Variants in RAD51 observed in about 807,000 individuals in gnomAD.
RAD51 encodes the protein RAD51 recombinase.
RAD51 carries 14 observed loss-of-function variants against 41.5 expected under a neutral mutation model. That is an observed-to-expected ratio of 0.34 (90% CI 0.22 to 0.53). The LOEUF is 0.53. Among genes scored for constraint, RAD51 ranks in the 20% least tolerant of loss-of-function variants. The pLI is 0.95. For missense variants in RAD51, 234 were observed against 422.0 expected, an observed-to-expected ratio of 0.55 and a Z score of 3.90; for synonymous variants, 136 against 148.6, an observed-to-expected ratio of 0.92 and a Z score of 0.62.
chr15:40,701,626 G>T (rs1388122082), intron 3 of RAD51, among the ~76,000 whole-genome samples: 2 of 151,172 alleles, frequency 1.3e-5, no homozygotes, highest in African/African-American at 4.9e-5. Context: ...TACTGTGCCT[G>T]GCCTATTTAT....
chr15:40,722,845 T>TA (rs762696966), intron 6 of RAD51, among the ~76,000 whole-genome samples: 2 of 152,156 alleles, frequency 1.3e-5, no homozygotes, highest in Non-Finnish European at 1.5e-5. Flanking sequence ...AAATTGATAA[T>TA]AGAGTTAGTT....
chr15:40,711,908 C>T (rs1324787343), intron 5 of RAD51, among the ~76,000 whole-genome samples: 4 of 151,968 alleles, frequency 2.6e-5, no homozygotes, highest in Non-Finnish European at 4.4e-5. Flanking sequence ...GACCCTATCT[C>T]TACAAATAAT....
At chr15:40,714,667 C>T (rs1329959075) in intron 5 of RAD51, among the ~76,000 whole-genome samples, 1 of 152,184 alleles carries the variant, frequency 6.6e-6, no homozygotes, top group African/African-American at 2.4e-5. Context: ...GATTACATTT[C>T]ATCAGCCTAA....
chr15:40,712,275 T>C (rs894566772), intron 5 of RAD51, among the ~76,000 whole-genome samples: 2 of 152,100 alleles, frequency 1.3e-5, no homozygotes, highest in African/African-American at 4.8e-5. Flanking sequence ...TTACAGTAAC[T>C]TAGTAAACCT....
chr15:40,730,524 T>TTTTTTTTTTTCTTTTC (rs1567056565), intron 9 of RAD51, among the ~76,000 whole-genome samples: 1 of 132,580 alleles, frequency 7.5e-6, no homozygotes, highest in Non-Finnish European at 1.6e-5. Context: ...TTTTTTCTTT[T>TTTTTTTTTTTCTTTTC]TTTTTTTTTT....
rs565811880 is a variant in RAD51 at position 40,701,331 on chromosome 15, C to A, written c.225+130C>A. 4.0e-6 allele frequency: 4 copies of A among 1,003,368 alleles called. No individual in the cohort carries two copies. The African/African-American group carries it at 6.6e-5, about 17-fold the overall frequency. The allele number at this position is 1,003,368 out of a possible 1,614,324, so 62.2% of individuals were successfully genotyped here. A position where few individuals can be genotyped will look rare whatever the true frequency, so the allele number is the denominator to read the frequency against. ...TTATCCTTTCCAGGGGTGACTGTTA[C>A]CTGTTTCTTTTCTTCTTTTCTTTTC... On this transcript the variant is annotated intron_variant, in intron 3 of 9. Coordinates refer to ENST00000267868, the MANE Select transcript of RAD51 (RefSeq NM_002875.5).
rs1390122112 is a variant in RAD51 at position 40,719,827 on chromosome 15, G to A, written c.530+928G>A. On this transcript the variant is annotated intron_variant, in intron 6 of 9. Coordinates refer to ENST00000267868, the MANE Select transcript of RAD51 (RefSeq NM_002875.5). ...AGCCTGGGCGACAGAGCAAGAATCC[G>A]TCTCAAAAAAAAAAGACAAACACAT... 8.8e-5 allele frequency among the ~76,000 whole-genome samples: 10 copies of A among 113,486 alleles called. No individual in the cohort carries two copies. In the South Asian group the frequency reaches 1.5e-3, roughly 17 times the overall value. The allele number at this position is 113,486 out of a possible 152,430, so 74.5% of individuals were successfully genotyped here.
intron 4 of RAD51, among the ~76,000 whole-genome samples, chr15:40,706,568 A>G (rs1595987514): frequency 1.3e-5 from 2 of 152,282 alleles, no homozygotes; most frequent in East Asian, 3.9e-4. Context: ...ACATGCCTGT[A>G]ATCCCTGTAG....
intron 5 of RAD51, among the ~76,000 whole-genome samples, chr15:40,718,595 A>G (rs1896106918): frequency 6.6e-6 from 1 of 152,124 alleles, no homozygotes; most frequent in Non-Finnish European, 1.5e-5. Flanking sequence ...TGACAGGACT[A>G]GCTGTATGTA....
rs1184968593 is a variant in RAD51 at position 40,731,581 on chromosome 15, A to G, written c.*403A>G. 9.2e-6 allele frequency: 3 copies of G among 327,372 alleles called. No individual in the cohort carries two copies. Among genetic ancestry groups the G allele is most frequent in the Non-Finnish European group, 1.7e-5 (3 of 175,296 alleles). The allele number at this position is 327,372 out of a possible 1,614,324, so 20.3% of individuals were successfully genotyped here. A position where few individuals can be genotyped will look rare whatever the true frequency, so the allele number is the denominator to read the frequency against. ...AATGGTAAAATAAAATGCCTCAGCT[A>G]TGTAGCAAAGGGAATGGGTCTGCAC... On this transcript the variant is annotated 3_prime_UTR_variant, in exon 10 of 10. Transcript: ENST00000267868.
chr15:40,700,958 T>C, intron 2 of RAD51, 106 bp from the exon 3 acceptor site: 1 of 931,144 alleles, frequency 1.1e-6, no homozygotes, highest in Non-Finnish European at 1.6e-6. Flanking sequence ...GGGACAGTTG[T>C]ATTACAAGTC....
chr15:40,714,325 G>A (rs2412546), intron 5 of RAD51, among the ~76,000 whole-genome samples: 75,481 of 152,044 alleles, frequency 0.5, 19,615 homozygotes, highest in East Asian at 0.77. Context: ...TCTTACATCC[G>A]TCATTTGACA....
At chr15:40,704,591 A>C (rs1307353882) in intron 3 of RAD51, among the ~76,000 whole-genome samples, 2 of 149,530 alleles carry the variant, frequency 1.3e-5, no homozygotes, top group African/African-American at 4.9e-5. Context: ...TGAACTCCTG[A>C]CTTCGTGATC....
chr15:40,722,222 G>A (rs1321757721), intron 6 of RAD51, among the ~76,000 whole-genome samples: 4 of 152,036 alleles, frequency 2.6e-5, no homozygotes, highest in African/African-American at 7.2e-5. Flanking sequence ...GACCAGCCTG[G>A]CCAACATGGT....
chr15:40,697,581 T>TC (rs1406876484), intron 1 of RAD51, among the ~76,000 whole-genome samples: 1 of 141,086 alleles, frequency 7.1e-6, no homozygotes, highest in Non-Finnish European at 1.5e-5. Context: ...TTTCTTTTTT[T>TC]TTTTTTTTTT....
chr15:40,695,076 G>C (rs1216602912), upstream of RAD51: 1 of 152,412 alleles, frequency 6.6e-6, no homozygotes, highest in African/African-American at 2.4e-5. Flanking sequence ...CCCGTCTTGG[G>C]TTAGCGCGCA....
At chr15:40,717,354 A>G (rs926144190) in intron 5 of RAD51, among the ~76,000 whole-genome samples, 2 of 152,100 alleles carry the variant, frequency 1.3e-5, no homozygotes, top group Non-Finnish European at 2.9e-5. Context: ...AAAAAGAAAG[A>G]AAAAATTTGG....
At chr15:40,699,525 G>A (rs971768418) in intron 2 of RAD51, among the ~76,000 whole-genome samples, 73 of 152,274 alleles carry the variant, frequency 4.8e-4, no homozygotes, top group African/African-American at 1.7e-3. Context: ...GCCTCAAGCA[G>A]TCCACCTGCC....
At chr15:40,710,766 G>C (rs988521234) in intron 5 of RAD51, among the ~76,000 whole-genome samples, 1 of 151,970 alleles carries the variant, frequency 6.6e-6, no homozygotes, top group Non-Finnish European at 1.5e-5. Context: ...CTTATCTCAG[G>C]TTACAATTGA....
Sources: allele counts gnomAD v4.1 joint callset (sites outside exome capture counted in the v4.1 genomes callset), GRCh38; gene constraint gnomAD v4.1.1; transcripts MANE v1.5; gene names NCBI Gene and HGNC (gene_info 2026-07-23, HGNC 2026-07-21).